The following SMAD6 variants were observed in gnomAD, a reference collection of about 807,000 sequenced individuals.
SMAD6 encodes the protein SMAD family member 6, also known as MAD homolog 6.
A neutral mutation model predicts 39.4 loss-of-function variants in SMAD6; 103 were observed. That is an observed-to-expected ratio of 2.62 (90% CI 2.23 to 3.08). The LOEUF is 3.08. Ranked by LOEUF, SMAD6 falls within the 30% of genes most tolerant of loss-of-function variation. The probability of loss-of-function intolerance (pLI) is 0.00; values close to 1 mark genes in which losing one functional copy is unlikely to be tolerated. For missense variants in SMAD6, 1,104 were observed against 742.9 expected (o/e 1.49, Z -5.65); for synonymous variants, 445 against 353.3 (o/e 1.26, Z -2.91).
At chr15:66,732,081 C>A (rs771894088) in intron 3 of SMAD6, among the ~76,000 whole-genome samples, 4 of 151,642 alleles carry the variant, frequency 2.6e-5, no homozygotes, top group Admixed American at 6.6e-5. Flanking sequence ...GTAGCTGGGA[C>A]TGCAGGCATG....
chr15:66,757,430 A>G (rs957556637), intron 3 of SMAD6, among the ~76,000 whole-genome samples: 1 of 152,184 alleles, frequency 6.6e-6, no homozygotes, highest in Admixed American at 6.5e-5. Flanking sequence ...CTCAGGAGAC[A>G]GCGGACACAT....
intron 3 of SMAD6, among the ~76,000 whole-genome samples, chr15:66,757,682 C>A (rs1326142353): frequency 6.6e-6 from 1 of 152,202 alleles, no homozygotes; most frequent in Non-Finnish European, 1.5e-5. Context: ...GTGGGGCCCC[C>A]TGGCAGAGGC....
intron 3 of SMAD6, among the ~76,000 whole-genome samples, chr15:66,749,142 T>C (rs1382230764): frequency 2.0e-5 from 3 of 152,080 alleles, no homozygotes; most frequent in Admixed American, 1.3e-4. Flanking sequence ...CTGGGCAACA[T>C]GGCAAAACCC....
chr15:66,734,213 ACTGTG>A (rs1161784691), intron 3 of SMAD6, among the ~76,000 whole-genome samples: 1 of 152,176 alleles, frequency 6.6e-6, no homozygotes, highest in African/African-American at 2.4e-5. Context: ...GTAGAAAAGC[ACTGTG>A]CTTGGAAATT....
At chr15:66,761,305 G>C (rs1894194855) in intron 3 of SMAD6, among the ~76,000 whole-genome samples, 1 of 152,166 alleles carries the variant, frequency 6.6e-6, no homozygotes, top group Admixed American at 6.5e-5. Flanking sequence ...GAGACTTTCT[G>C]GAAACCAAGC....
chr15:66,714,231 C>T (rs1246631030), intron 2 of SMAD6, among the ~76,000 whole-genome samples: 3 of 152,132 alleles, frequency 2.0e-5, no homozygotes, highest in Non-Finnish European at 4.4e-5. Context: ...GCAGAGTGAC[C>T]ATGTGGAAAC....
At chr15:66,724,285 G>GGAATGAATGAAT (rs111450497) in intron 3 of SMAD6, among the ~76,000 whole-genome samples, 1,909 of 150,602 alleles carry the variant, frequency 0.013, 21 homozygotes, top group East Asian at 0.046. Flanking sequence ...GAGTCATTGT[G>GGAATGAATGAAT]GAATGAATGA....
intron 3 of SMAD6, among the ~76,000 whole-genome samples, chr15:66,770,280 G>A (rs1233064494): frequency 6.6e-6 from 1 of 152,202 alleles, no homozygotes; most frequent in Admixed American, 6.5e-5. Flanking sequence ...GTTGGGTTCA[G>A]TTGGTGAACT....
At chr15:66,766,782 C>T (rs1894295866) in intron 3 of SMAD6, among the ~76,000 whole-genome samples, 1 of 152,232 alleles carries the variant, frequency 6.6e-6, no homozygotes, top group Non-Finnish European at 1.5e-5. Flanking sequence ...CTAGAAGGCA[C>T]TTGGGCATTG....
intron 3 of SMAD6, among the ~76,000 whole-genome samples, chr15:66,718,625 C>T (rs568801782): frequency 1.3e-5 from 2 of 152,262 alleles, no homozygotes; most frequent in African/African-American, 2.4e-5. Context: ...CATCCTGGTC[C>T]CTTCCAGGGA....
In SMAD6 at chr15:66,702,900, CT is replaced by C. The variant is rs1893003961; in HGVS notation, c.-355del. On this transcript the variant is annotated 5_prime_UTR_variant, in exon 1 of 4. It removes the in-frame stop codon of an upstream open reading frame in the 5' UTR. Transcript: ENST00000288840. ...TTGTGCTCATGGACCAGCCGCACAA[CT>C]TTTGAAGGCTCGCCGGCCCATGTGG... 9.9e-6 allele frequency: 2 copies of C among 201,632 alleles called. No individual in the cohort carries two copies. Among genetic ancestry groups the C allele is most frequent in the African/African-American group, 4.6e-5 (2 of 43,360 alleles). The allele number at this position is 201,632 out of a possible 1,614,324, so 12.5% of individuals were successfully genotyped here.
chr15:66,703,728 G>T lies in SMAD6; in HGVS notation c.470G>T (p.Arg157Leu). Residue 157 changes from arginine to leucine, a missense_variant, in exon 1 of 4, where the codon CGG becomes CTG. Transcript: ENST00000288840. ...GAALEPAGGGRSREARSRLLL... is the reference protein window; with the variant it reads ...GAALEPAGGGLSREARSRLLL... ...GCCCTGGAGCCGGCGGGCGGCGGGC[G>T]GAGTCGCGAAGCGCGCTCGCGGCTG... 7.4e-7 allele frequency: 1 copy of T among 1,359,366 alleles called. No individual in the cohort carries two copies. The highest frequency in any genetic ancestry group is 9.6e-7 in the Non-Finnish European group (1 of 1,042,744). The allele number at this position is 1,359,366 out of a possible 1,614,324, so 84.2% of individuals were successfully genotyped here. A position where few individuals can be genotyped will look rare whatever the true frequency, so the allele number is the denominator to read the frequency against.
intron 3 of SMAD6, among the ~76,000 whole-genome samples, chr15:66,768,189 C>G (rs1403518476): frequency 6.6e-6 from 1 of 152,024 alleles, no homozygotes; most frequent in African/African-American, 2.4e-5. Flanking sequence ...CAGGGCACAT[C>G]TTGAACTCCT....
intron 3 of SMAD6, among the ~76,000 whole-genome samples, chr15:66,732,397 G>A (rs1893646067): frequency 6.6e-6 from 1 of 152,162 alleles, no homozygotes; most frequent in Non-Finnish European, 1.5e-5. Flanking sequence ...TGTCACCCAG[G>A]CTGGAGTACA....
intron 3 of SMAD6, among the ~76,000 whole-genome samples, chr15:66,777,891 G>A (rs952576519): frequency 6.6e-6 from 1 of 152,212 alleles, no homozygotes; most frequent in Non-Finnish European, 1.5e-5. Flanking sequence ...GCTGGGGCAG[G>A]CAAGGCCTGA....
intron 3 of SMAD6, among the ~76,000 whole-genome samples, chr15:66,742,311 C>A (rs892805010): frequency 2.0e-5 from 3 of 152,164 alleles, no homozygotes; most frequent in African/African-American, 7.2e-5. Flanking sequence ...CCACCAATGT[C>A]TGGTTTCCCT....
chr15:66,759,087 C>G (rs76076186), intron 3 of SMAD6, among the ~76,000 whole-genome samples: 3 of 152,272 alleles, frequency 2.0e-5, no homozygotes, highest in East Asian at 3.9e-4. Flanking sequence ...AATGAGTAAG[C>G]CTACGTTCCA....
chr15:66,719,648 C>G (rs1323166052), intron 3 of SMAD6, among the ~76,000 whole-genome samples: 1 of 152,212 alleles, frequency 6.6e-6, no homozygotes, highest in Non-Finnish European at 1.5e-5. Flanking sequence ...GCTCCATGGT[C>G]TCTGCTTTAC....
In SMAD6 at chr15:66,781,250, C is replaced by A. The variant is rs565415984; in HGVS notation, c.1206C>A (p.Ala402=). 1.9e-6 allele frequency: 3 copies of A among 1,608,562 alleles called. No homozygotes were observed. Among genetic ancestry groups the A allele is most frequent in the Non-Finnish European group, 2.5e-6 (3 of 1,179,428 alleles). The change falls in exon 4 of 4, where the codon GCC becomes GCA. Residue 402 remains alanine, a synonymous_variant. Transcript: ENST00000288840. ...LLSKEPDGVW[A]YNRGEHPIFV... ...GCAAGGAGCCCGACGGCGTGTGGGC[C>A]TACAACCGCGGCGAGCACCCCATCT...
Sources: gnomAD v4.1 joint callset for allele counts (sites outside exome capture counted in the v4.1 genomes callset) on GRCh38, gnomAD v4.1.1 for gene constraint, MANE v1.5 for transcripts, NCBI Gene and HGNC (gene_info 2026-07-23, HGNC 2026-07-21) for gene names.